FSIP2: variants seen among roughly 807,000 people sequenced by gnomAD.
FSIP2 encodes the protein fibrous sheath-interacting protein 2.
In FSIP2, 367 loss-of-function variants were observed where a neutral mutation model predicts 510.5. The ratio of observed to expected loss-of-function variants is 0.72; its 90% CI spans 0.66 to 0.78. The LOEUF is 0.78. FSIP2 is among the 30% of genes least tolerant of loss of function. FSIP2 has a pLI of 0.00. For missense variants in FSIP2, 7,594 were observed against 7,901.7 expected, an observed-to-expected ratio of 0.96 and a Z score of 1.48; for synonymous variants, 2,601 against 2,732.2, an observed-to-expected ratio of 0.95 and a Z score of 1.50.
chr2:185,771,634 G>C (rs537793531), intron 13 of FSIP2, among the ~76,000 whole-genome samples: 2 of 152,230 alleles, frequency 1.3e-5, no homozygotes, highest in East Asian at 3.9e-4. Context: ...TAGGCCTCTG[G>C]GCCTGTGATG....
At chr2:185,758,611 C>T (rs969811129) in intron 9 of FSIP2, among the ~76,000 whole-genome samples, 3 of 151,010 alleles carry the variant, frequency 2.0e-5, no homozygotes, top group African/African-American at 7.3e-5. Context: ...GTTGTAACAC[C>T]TCTGGCCAGT....
At chr2:185,749,567 T>C (rs927001218) in intron 7 of FSIP2, among the ~76,000 whole-genome samples, 1 of 151,948 alleles carries the variant, frequency 6.6e-6, no homozygotes. Flanking sequence ...ATAGTTTACA[T>C]AGATGATCAT....
intron 22 of FSIP2, among the ~76,000 whole-genome samples, chr2:185,832,138 T>G (rs1694119815): frequency 6.6e-6 from 1 of 151,902 alleles, no homozygotes; most frequent in African/African-American, 2.4e-5. Flanking sequence ...CACATTTTAT[T>G]TAAAGAAAAA....
In FSIP2 at chr2:185,804,697, C is replaced by T; in HGVS notation, c.15391C>T (p.Pro5131Ser). ...MVYRLLGHVF[P>S]STHTENELKE... ...TTACAGGCTTCTAGGGCATGTCTTCCCTTCAACTCACACTGAAAATGAACT... is the reference window on the plus strand; with the variant it reads ...TTACAGGCTTCTAGGGCATGTCTTCTCTTCAACTCACACTGAAAATGAACT... Residue 5131 changes from proline to serine, a missense_variant, in exon 17 of 23, where the codon CCT becomes TCT. Coordinates refer to ENST00000424728, the MANE Select transcript of FSIP2 (RefSeq NM_173651.4). 6.5e-7 allele frequency: 1 copy of T among 1,530,796 alleles called. No individual in the cohort carries two copies. 94.8% of individuals were successfully genotyped at this position (1,530,796 alleles called of 1,614,324 possible). A position where few individuals can be genotyped will look rare whatever the true frequency, so the allele number is the denominator to read the frequency against.
rs751449277 is a variant in FSIP2 at position 185,807,081 on chromosome 2, A to G, written c.17775A>G (p.Leu5925=). Residue 5925 remains leucine (L), a synonymous_variant, in exon 17 of 23, where the codon TTA becomes TTG. Transcript: ENST00000424728. ...KVVHSSVCNI[L]NDYGSQDSIW... is the part of the protein sequence containing the mutation. ...TTCACTCCTCTGTTTGTAATATTTT[A>G]AATGACTATGGATCTCAAGACTCTA... 1 of 1,590,054 alleles carries G rather than the reference A, an allele frequency of 6.3e-7. No homozygotes were observed. Among genetic ancestry groups the G allele is most frequent in the Admixed American group, 1.8e-5 (1 of 54,626 alleles).
At chr2:185,815,921 A>C (rs1226982936) in intron 19 of FSIP2, among the ~76,000 whole-genome samples, 2 of 152,022 alleles carry the variant, frequency 1.3e-5, no homozygotes. Flanking sequence ...GGTAGAAAGC[A>C]ATGGAGTTTG....
intron 13 of FSIP2, among the ~76,000 whole-genome samples, chr2:185,776,301 T>G (rs1692716774): frequency 6.7e-6 from 1 of 148,908 alleles, no homozygotes; most frequent in Admixed American, 6.6e-5. Context: ...AAATTAAAAA[T>G]TATAATAATA....
At position 185,790,109 on chromosome 2, in the gene FSIP2, T is replaced by G; in HGVS notation, c.2973T>G (p.Pro991=). 2.0e-6 allele frequency: 3 copies of G among 1,533,884 alleles called. No homozygotes were observed. Among genetic ancestry groups the G allele is most frequent in the Non-Finnish European group, 8.7e-7 (1 of 1,145,372 alleles). ...CTAGGTCTGGAAGACCATTTCCACC[T>G]ATAAATGTTCCAGGCATGGTTCTTT... ...NSPRSGRPFP[P]INVPGMVLYS... The change falls in exon 16 of 23, where the codon CCT becomes CCG. Residue 991 remains proline (P), a synonymous_variant. Transcript: ENST00000424728.
At position 185,746,711 on chromosome 2, in the gene FSIP2, C is replaced by A; in HGVS notation, c.660C>A (p.Arg220=). 6.5e-7 allele frequency: 1 copy of A among 1,529,310 alleles called. No homozygotes were observed. The highest frequency in any genetic ancestry group is 8.7e-7 in the Non-Finnish European group (1 of 1,143,608). 94.7% of individuals were successfully genotyped at this position (1,529,310 alleles called of 1,614,324 possible). A position where few individuals can be genotyped will look rare whatever the true frequency, so the allele number is the denominator to read the frequency against. The change falls in exon 6 of 23, where the codon CGC becomes CGA. Residue 220 remains arginine (R), a synonymous_variant. Coordinates refer to ENST00000424728, the MANE Select transcript of FSIP2 (RefSeq NM_173651.4). ...GTAGAAAACTAGAACAACTTGAACG[C>A]ACAGCAGAAGAACAACGCCTATTCC... ...MISRKLEQLE[R]TAEEQRLFLM...
upstream of FSIP2, chr2:185,738,796 C>T (rs1296449698): frequency 6.5e-7 from 1 of 1,535,996 alleles, no homozygotes; most frequent in Non-Finnish European, 8.7e-7. Context: ...GGTCGTTGGG[C>T]TCTGGCCATT....
Position 185,795,042 on chromosome 2 carries a change from G to T in FSIP2, c.7906G>T (p.Val2636Phe), listed in dbSNP as rs186152614. 1.9e-4 allele frequency: 297 copies of T among 1,534,574 alleles called. No individual in the cohort carries two copies. Among genetic ancestry groups the T allele is most frequent in the Non-Finnish European group, 2.5e-4 (285 of 1,146,002 alleles). Residue 2636 changes from valine (V) to phenylalanine (F), a missense_variant, in exon 16 of 23, where the codon GTT (valine) becomes TTT (phenylalanine). Physicochemically the swap from Val to Phe is conservative, Grantham distance 50. Transcript: ENST00000424728. ...LQVKKDLIQM[V>F]LNKITNFVSL... ...AGTGAAGAAAGACTTAATTCAAATG[G>T]TTCTCAATAAGATCACAAATTTTGT...
At chr2:185,764,725 A>G (rs1386838384) in intron 13 of FSIP2, 160 bp downstream of exon 13, 2 of 567,384 alleles carry the variant, frequency 3.5e-6, no homozygotes, top group Non-Finnish European at 6.3e-6. Flanking sequence ...GTATACTTGG[A>G]AAGATAGTCA....
At chr2:185,738,333 G>T (rs1574147539), upstream of FSIP2, 1 of 416,760 alleles carries the variant, frequency 2.4e-6, no homozygotes, top group East Asian at 5.4e-5. Flanking sequence ...GGTAAAGGGC[G>T]CTAGAAAGGA....
chr2:185,755,687 A>T (rs1692233845), intron 8 of FSIP2, among the ~76,000 whole-genome samples: 1 of 151,562 alleles, frequency 6.6e-6, no homozygotes, highest in Non-Finnish European at 1.5e-5. Context: ...GATCACTCTT[A>T]TAGTTTACAT....
intron 13 of FSIP2, among the ~76,000 whole-genome samples, chr2:185,772,402 T>A (rs1046410648): frequency 7.9e-5 from 12 of 152,188 alleles, no homozygotes; most frequent in Non-Finnish European, 1.3e-4. Context: ...AAATAGGTTA[T>A]TTTTCTCACG....
rs147565337 is a variant in FSIP2 at position 185,823,120 on chromosome 2, G to T, written c.20427-1314G>T. On this transcript the variant is annotated intron_variant, in intron 19 of 22. Coordinates refer to ENST00000424728, the MANE Select transcript of FSIP2 (RefSeq NM_173651.4). ...AAAAAACTTTTGTTGGAAGACATGG[G>T]AAAAAGGCTTCTTGACATTGGATTT... 3.3e-3 allele frequency among the ~76,000 whole-genome samples: 505 copies of T among 151,916 alleles called. 5 individuals carry two copies. Among genetic ancestry groups the T allele is most frequent in the African/African-American group, 0.012 (483 of 41,522 alleles).
At chr2:185,765,531 G>C (rs918972507) in intron 13 of FSIP2, 3 of 152,048 alleles carry the variant, frequency 2.0e-5, no homozygotes, top group African/African-American at 7.2e-5. Flanking sequence ...GTACCATGCT[G>C]TTTTGGTTAC....
At position 185,786,114 on chromosome 2, in the gene FSIP2, C is replaced by G; in HGVS notation, c.1470-138C>G. On this transcript the variant is annotated intron_variant, in intron 14 of 22. Transcript: ENST00000424728. ...AGTGAAATAGGGGGGTTGGAAAAAA[C>G]AGTGTATTCTTCATTTTGAATTTCT... The G allele has an allele frequency of 5.0e-6, 3 of 601,726 alleles. 1 individual carries two copies. In the South Asian group the frequency reaches 6.6e-5, roughly 13 times the overall value. The allele number at this position is 601,726 out of a possible 1,614,324, so 37.3% of individuals were successfully genotyped here. A position where few individuals can be genotyped will look rare whatever the true frequency, so the allele number is the denominator to read the frequency against.
intron 14 of FSIP2, among the ~76,000 whole-genome samples, chr2:185,783,426 AT>A (rs1692897712): frequency 6.6e-6 from 1 of 152,200 alleles, no homozygotes; most frequent in Non-Finnish European, 1.5e-5. Flanking sequence ...TTTTTTAAAA[AT>A]GAACAAGCCA....
Sources: allele counts gnomAD v4.1 joint callset (sites outside exome capture counted in the v4.1 genomes callset), GRCh38; gene constraint gnomAD v4.1.1; transcripts MANE v1.5; gene names NCBI Gene and HGNC (gene_info 2026-07-23, HGNC 2026-07-21).